The following CNTNAP2 variants were observed in gnomAD, a reference collection of about 807,000 sequenced individuals.
CNTNAP2 encodes the protein contactin associated protein 2, also known as contactin-associated protein-like 2.
CNTNAP2 carries 98 observed loss-of-function variants against 155.2 expected under a neutral mutation model. The ratio of observed to expected loss-of-function variants is 0.63; its 90% confidence interval spans 0.54 to 0.75. The LOEUF (loss-of-function observed/expected upper bound fraction) is 0.75. Ranked by LOEUF, CNTNAP2 falls within the 30% of genes least tolerant of loss-of-function variation. CNTNAP2 has a pLI of 0.00. For missense variants in CNTNAP2, 1,727 were observed against 1,688.1 expected, an observed-to-expected ratio of 1.02 and a Z score of -0.40; for synonymous variants, 651 against 631.2, an observed-to-expected ratio of 1.03 and a Z score of -0.47.
At chr7:148,280,573 C>G (rs1034838061) in intron 21 of CNTNAP2, among the ~76,000 whole-genome samples, 95 of 152,248 alleles carry the variant, frequency 6.2e-4, no homozygotes, top group Middle Eastern at 3.4e-3. Context: ...TGTACAATTT[C>G]TTACAACTAC....
intron 21 of CNTNAP2, among the ~76,000 whole-genome samples, chr7:148,297,595 A>G (rs948770200): frequency 4.6e-5 from 7 of 152,142 alleles, no homozygotes; most frequent in African/African-American, 1.7e-4. Flanking sequence ...GGGAGAGTTA[A>G]AAAAAGTAGG....
intron 18 of CNTNAP2, among the ~76,000 whole-genome samples, chr7:148,201,833 TAGAA>T (rs1337005951): frequency 6.6e-6 from 1 of 151,966 alleles, no homozygotes; most frequent in African/African-American, 2.4e-5. Context: ...AATAAGACAT[TAGAA>T]AGAAGTGATT....
chr7:147,146,905 G>A (rs1373762165), intron 8 of CNTNAP2: 1 of 152,146 alleles, frequency 6.6e-6, no homozygotes, highest in African/African-American at 2.4e-5. Context: ...TATGATCAAG[G>A]AAAGAGTACT....
chr7:146,654,461 T>C (rs1799963740), intron 1 of CNTNAP2, among the ~76,000 whole-genome samples: 1 of 152,108 alleles, frequency 6.6e-6, no homozygotes, highest in South Asian at 2.1e-4. Context: ...TAGCTTGGCT[T>C]CCCAGAAATA....
chr7:146,154,606 C>A (rs1229886057), intron 1 of CNTNAP2, among the ~76,000 whole-genome samples: 1 of 152,136 alleles, frequency 6.6e-6, no homozygotes, highest in Non-Finnish European at 1.5e-5. Context: ...TCCATCAGTG[C>A]AAACTTTATG....
At chr7:146,369,169 G>A (rs949993781) in intron 1 of CNTNAP2, among the ~76,000 whole-genome samples, 1 of 148,096 alleles carries the variant, frequency 6.8e-6, no homozygotes, top group African/African-American at 2.6e-5. Flanking sequence ...CCAGCATTAC[G>A]TGTGTGTATG....
At chr7:147,244,307 G>T (rs1584815548) in intron 8 of CNTNAP2, among the ~76,000 whole-genome samples, 2 of 152,130 alleles carry the variant, frequency 1.3e-5, no homozygotes, top group Non-Finnish European at 2.9e-5. Context: ...GAGATCAGGG[G>T]CCAGCAGCCT....
At chr7:146,275,752 G>A (rs1461613726) in intron 1 of CNTNAP2, among the ~76,000 whole-genome samples, 3 of 152,168 alleles carry the variant, frequency 2.0e-5, no homozygotes, top group African/African-American at 4.8e-5. Flanking sequence ...AATACTAGTC[G>A]ATTTAATGTG....
chr7:146,971,896 C>T (rs771274338), intron 3 of CNTNAP2, among the ~76,000 whole-genome samples: 7 of 152,174 alleles, frequency 4.6e-5, no homozygotes, highest in Non-Finnish European at 5.9e-5. Flanking sequence ...GCTTATCTAA[C>T]GCTCTGTTTT....
chr7:146,331,989 AT>A (rs1249765731), intron 1 of CNTNAP2, among the ~76,000 whole-genome samples: 7 of 152,136 alleles, frequency 4.6e-5, no homozygotes, highest in African/African-American at 1.7e-4. Flanking sequence ...TAATCTTTAA[AT>A]TCTCAGTTAT....
At chr7:146,551,309 CCCCA>C (rs1299177358) in intron 1 of CNTNAP2, among the ~76,000 whole-genome samples, 1 of 152,002 alleles carries the variant, frequency 6.6e-6, no homozygotes, top group Non-Finnish European at 1.5e-5. Context: ...CCACAACAGG[CCCCA>C]GTGTGTGATG....
At chr7:148,328,284 A>G (rs1182941007) in intron 21 of CNTNAP2, among the ~76,000 whole-genome samples, 1 of 151,974 alleles carries the variant, frequency 6.6e-6, no homozygotes, top group Admixed American at 6.5e-5. Context: ...AAGCTGGAGG[A>G]GGGCTGCCTG....
chr7:148,318,717 C>G (rs901882983), intron 21 of CNTNAP2, among the ~76,000 whole-genome samples: 2 of 152,164 alleles, frequency 1.3e-5, no homozygotes, highest in Non-Finnish European at 2.9e-5. Context: ...TGGATAATTA[C>G]ATATTTCCCT....
At chr7:147,680,919 TA>T (rs1335198843) in intron 13 of CNTNAP2, among the ~76,000 whole-genome samples, 1 of 151,888 alleles carries the variant, frequency 6.6e-6, no homozygotes, top group Non-Finnish European at 1.5e-5. Context: ...AGAATAGACA[TA>T]AGGCTGGAGT....
intron 1 of CNTNAP2, among the ~76,000 whole-genome samples, chr7:146,719,165 C>T (rs531351051): frequency 6.6e-6 from 1 of 152,272 alleles, no homozygotes; most frequent in African/African-American, 2.4e-5. Context: ...TCAATTCTTG[C>T]ACCTGATTTG....
intron 21 of CNTNAP2, among the ~76,000 whole-genome samples, chr7:148,291,212 C>A (rs7781050): frequency 0.4 from 60,230 of 150,976 alleles, 12,606 homozygotes; most frequent in East Asian, 0.65. Flanking sequence ...TATGAGAGTT[C>A]GCAGTAATAA....
At chr7:147,179,919 C>G (rs1802420718) in intron 8 of CNTNAP2, among the ~76,000 whole-genome samples, 1 of 152,070 alleles carries the variant, frequency 6.6e-6, no homozygotes, top group Non-Finnish European at 1.5e-5. Context: ...TGCCCCTGCC[C>G]CAGGTTGTGA....
chr7:146,333,256 T>C (rs1801215795), intron 1 of CNTNAP2, among the ~76,000 whole-genome samples: 1 of 152,122 alleles, frequency 6.6e-6, no homozygotes, highest in Non-Finnish European at 1.5e-5. Flanking sequence ...CCATTTCTTC[T>C]TGTAGAAGAA....
At chr7:147,763,118 G>C (rs1031222026) in intron 13 of CNTNAP2, among the ~76,000 whole-genome samples, 3 of 152,226 alleles carry the variant, frequency 2.0e-5, no homozygotes, top group East Asian at 1.9e-4. Context: ...AATTAGCCAA[G>C]CATGGAGGCG....
Sources: gnomAD v4.1 joint callset for allele counts (sites outside exome capture counted in the v4.1 genomes callset) on GRCh38, gnomAD v4.1.1 for gene constraint, MANE v1.5 for transcripts, NCBI Gene and HGNC (gene_info 2026-07-23, HGNC 2026-07-21) for gene names.